IFNAR1: variants seen among roughly 807,000 people sequenced by gnomAD.
IFNAR1 encodes the protein interferon alpha/beta receptor 1.
In IFNAR1, 47 loss-of-function variants were observed where a neutral mutation model predicts 62.1. The ratio of observed to expected loss-of-function variants is 0.76; its 90% CI spans 0.60 to 0.97. IFNAR1 has a LOEUF of 0.97. IFNAR1 is among the 50% of genes least tolerant of loss of function. The probability of loss-of-function intolerance (pLI) is 0.00; values close to 1 mark genes in which losing one functional copy is unlikely to be tolerated. For missense variants in IFNAR1, 638 were observed against 654.5 expected (o/e 0.97, Z 0.27); for synonymous variants, 219 against 226.9 (o/e 0.97, Z 0.31).
rs902483385 is a variant in IFNAR1, at chr21:33,358,839, A to ATT, written c.*3292_*3293dup. On this transcript the variant is annotated 3_prime_UTR_variant, in exon 11 of 11. Transcript: ENST00000270139. ...GGTAACATGGCCAGACCCCATCTCTATTTATATATATATATATAAAACTTA... is the reference window on the plus strand; with the variant it reads ...GGTAACATGGCCAGACCCCATCTCTATTTTTATATATATATATATAAAACTTA... The ATT allele has an allele frequency of 6.8e-6, 1 of 148,016 alleles. No individual in the cohort carries two copies. Among genetic ancestry groups the ATT allele is most frequent in the African/African-American group, 2.7e-5 (1 of 37,588 alleles). The allele number at this position is 148,016 out of a possible 1,614,324, so 9.2% of individuals were successfully genotyped here. A position where few individuals can be genotyped will look rare whatever the true frequency, so the allele number is the denominator to read the frequency against.
At chr21:33,335,220 G>A (rs531884357) in intron 1 of IFNAR1, 3 of 456,472 alleles carry the variant, frequency 6.6e-6, no homozygotes, top group Admixed American at 7.0e-5. Flanking sequence ...TGACTCATCG[G>A]TGTCACTTCT....
chr21:33,326,631 C>T (rs1046350478), intron 1 of IFNAR1, among the ~76,000 whole-genome samples: 3 of 152,184 alleles, frequency 2.0e-5, no homozygotes, highest in East Asian at 1.9e-4. Context: ...GGTAGCCCTT[C>T]GCAGATGGCT....
At chr21:33,334,907 C>T in intron 1 of IFNAR1, 7 of 1,508,566 alleles carry the variant, frequency 4.6e-6, no homozygotes, top group Non-Finnish European at 6.4e-6. Context: ...TACTTTCCCA[C>T]CCCTGCAGTG....
Position 33,358,195 on chromosome 21 carries a change from C to G in IFNAR1, c.*2646C>G, listed in dbSNP as rs149720401. The stretch of plus-strand genomic sequence containing the variant: ...AGAAAACAACAACAAAAAAACACCT[C>G]GTTTTTACCTTGTCTTCTAGACATG... On this transcript the variant is annotated 3_prime_UTR_variant, in exon 11 of 11. Coordinates refer to ENST00000270139, the MANE Select transcript of IFNAR1 (RefSeq NM_000629.3). The G allele has an allele frequency of 6.6e-6, 1 of 152,158 alleles. No homozygotes were observed. The highest frequency in any genetic ancestry group is 2.4e-5 in the African/African-American group (1 of 41,448). The allele number at this position is 152,158 out of a possible 1,614,324, so 9.4% of individuals were successfully genotyped here.
chr21:33,331,243 G>A (rs1256134550), intron 1 of IFNAR1, among the ~76,000 whole-genome samples: 1 of 152,138 alleles, frequency 6.6e-6, no homozygotes, highest in Admixed American at 6.5e-5. Context: ...CACTACCTTG[G>A]CCACCCAGAG....
At chr21:33,354,402 G>T (rs1601036943) in intron 10 of IFNAR1, among the ~76,000 whole-genome samples, 1 of 152,270 alleles carries the variant, frequency 6.6e-6, no homozygotes, top group East Asian at 1.9e-4. Context: ...CCAAACTTAC[G>T]CTGTTTCAAT....
intron 1 of IFNAR1, among the ~76,000 whole-genome samples, chr21:33,328,711 A>G (rs1438446422): frequency 6.6e-6 from 1 of 152,194 alleles, no homozygotes; most frequent in Non-Finnish European, 1.5e-5. Flanking sequence ...ATTTACTTAC[A>G]TATTTGTACA....
At chr21:33,334,475 C>T (rs1322164146) in intron 1 of IFNAR1, 17 of 334,948 alleles carry the variant, frequency 5.1e-5, no homozygotes, top group South Asian at 3.8e-4. Context: ...CTGTATATGG[C>T]AAAATTGCCC....
intron 8 of IFNAR1, among the ~76,000 whole-genome samples, chr21:33,352,213 A>G (rs2083404726): frequency 6.6e-6 from 1 of 152,152 alleles, no homozygotes; most frequent in South Asian, 2.1e-4. Context: ...CAGACTTGGC[A>G]TGTACTTGTA....
chr21:33,335,188 CA>C (rs1162022193), intron 1 of IFNAR1: 19 of 524,092 alleles, frequency 3.6e-5, no homozygotes, highest in African/African-American at 5.6e-5. Flanking sequence ...GGCCATAAAA[CA>C]GTTGAACCTC....
intron 9 of IFNAR1, among the ~76,000 whole-genome samples, 194 bp from the exon 10 acceptor site, chr21:33,353,444 C>G (rs533838437): frequency 6.6e-6 from 1 of 152,226 alleles, no homozygotes; most frequent in Non-Finnish European, 1.5e-5. Context: ...ACTTCAGTTC[C>G]CACGCCAATC....
intron 6 of IFNAR1, among the ~76,000 whole-genome samples, chr21:33,348,695 A>C (rs2083371414): frequency 6.6e-6 from 1 of 151,954 alleles, no homozygotes; most frequent in South Asian, 2.1e-4. Flanking sequence ...CCAGCTACTC[A>C]GGGGGACAGA....
chr21:33,328,923 A>G (rs1309307191), intron 1 of IFNAR1, among the ~76,000 whole-genome samples: 1 of 152,148 alleles, frequency 6.6e-6, no homozygotes, highest in Non-Finnish European at 1.5e-5. Flanking sequence ...CTAGTAAATT[A>G]ATATATTGTA....
chr21:33,329,417 T>A (rs1362632546), intron 1 of IFNAR1, among the ~76,000 whole-genome samples: 55 of 151,702 alleles, frequency 3.6e-4, no homozygotes, highest in Non-Finnish European at 4.4e-5. Context: ...AGACTCCAAG[T>A]ATGAAACAGA....
chr21:33,343,687 T>C lies in IFNAR1; in HGVS notation c.673+11T>C, dbSNP rs777918935. 4 of 1,563,198 alleles carry C rather than the reference T, an allele frequency of 2.6e-6. No homozygotes were observed. Among genetic ancestry groups the C allele is most frequent in the Non-Finnish European group, 3.5e-6 (4 of 1,155,576 alleles). On this transcript the variant is annotated intron_variant, in intron 5 of 10. Coordinates refer to ENST00000270139, the MANE Select transcript of IFNAR1 (RefSeq NM_000629.3). ...GTATAAAGACCACAGGTAAGGAAGATGTTTTGTTTTAGATTCAATAAATAT... is the reference window on the plus strand; with the variant it reads ...GTATAAAGACCACAGGTAAGGAAGACGTTTTGTTTTAGATTCAATAAATAT...
intron 6 of IFNAR1, among the ~76,000 whole-genome samples, chr21:33,346,989 T>C (rs1252274956): frequency 6.6e-6 from 1 of 152,162 alleles, no homozygotes; most frequent in African/African-American, 2.4e-5. Flanking sequence ...GCTCTTCTGC[T>C]AAGCAGTCAA....
intron 8 of IFNAR1, among the ~76,000 whole-genome samples, chr21:33,351,136 A>G (rs1252327763): frequency 6.6e-6 from 1 of 152,186 alleles, no homozygotes; most frequent in African/African-American, 2.4e-5. Context: ...GTACTATGCT[A>G]AGTATTGTAC....
chr21:33,325,286 G>T (rs2083115956), intron 1 of IFNAR1, among the ~76,000 whole-genome samples, 155 bp downstream of exon 1: 1 of 152,112 alleles, frequency 6.6e-6, no homozygotes. Context: ...ACCTGGGCTC[G>T]CAAATCAACC....
chr21:33,326,785 A>ATT (rs372363561), intron 1 of IFNAR1, among the ~76,000 whole-genome samples: 8 of 142,984 alleles, frequency 5.6e-5, no homozygotes, highest in African/African-American at 1.7e-4. Flanking sequence ...AGGTCCTGAG[A>ATT]TTTTTTTTTT....
Sources: allele counts gnomAD v4.1 joint callset (sites outside exome capture counted in the v4.1 genomes callset), GRCh38; gene constraint gnomAD v4.1.1; transcripts MANE v1.5; gene names NCBI Gene and HGNC (gene_info 2026-07-23, HGNC 2026-07-21).